The following OPCML variants were observed in gnomAD, a reference collection of about 807,000 sequenced individuals.
The protein encoded by OPCML is opioid binding protein/cell adhesion molecule like, also known as opioid-binding protein/cell adhesion molecule.
Under a neutral mutation model 37.8 loss-of-function variants are expected in OPCML, and 13 were observed. That is an observed-to-expected ratio of 0.34 (90% confidence interval 0.22 to 0.55). OPCML has a LOEUF of 0.55. OPCML is among the 20% of genes least tolerant of loss of function. The pLI is 0.91. For missense variants in OPCML, 341 were observed against 435.6 expected (o/e 0.78, Z 1.93); for synonymous variants, 176 against 168.8 (o/e 1.04, Z -0.33).
chr11:133,412,729 A>G (rs79170994), intron 1 of OPCML, among the ~76,000 whole-genome samples: 13,754 of 152,164 alleles, frequency 0.09, 1,821 homozygotes, highest in African/African-American at 0.29. Context: ...CCTGATTTTG[A>G]AAAGGAAAGT....
chr11:133,420,522 T>C (rs1160826729), intron 1 of OPCML: 1 of 982,912 alleles, frequency 1.0e-6, no homozygotes. Flanking sequence ...TGTTAACAAC[T>C]TATTCTAATT....
At chr11:132,792,019 T>C (rs1937949250) in intron 2 of OPCML, among the ~76,000 whole-genome samples, 1 of 152,254 alleles carries the variant, frequency 6.6e-6, no homozygotes, top group South Asian at 2.1e-4. Context: ...ACCTTGATTC[T>C]GCATCCAAAT....
At chr11:132,717,777 T>C (rs1591510350) in intron 2 of OPCML, among the ~76,000 whole-genome samples, 1 of 152,266 alleles carries the variant, frequency 6.6e-6, no homozygotes, top group Non-Finnish European at 1.5e-5. Flanking sequence ...TCCTATGGTG[T>C]CTCCCTCTCT....
In OPCML at chr11:132,415,436, A is replaced by G. The variant is rs748130543; in HGVS notation, c.*4757T>C. ...ATGTCACGAAAATTTCCGAACGATT[A>G]AAAATGCTCCCTTTAACTAACACAA... On this transcript the variant is annotated 3_prime_UTR_variant, in exon 8 of 8. Transcript: ENST00000524381. 2.0e-5 allele frequency: 3 copies of G among 152,226 alleles called. No homozygotes were observed. The highest frequency in any genetic ancestry group is 4.4e-5 in the Non-Finnish European group (3 of 68,038). 9.4% of individuals were successfully genotyped at this position (152,226 alleles called of 1,614,324 possible).
At chr11:133,399,924 T>C (rs1000123400) in intron 1 of OPCML, among the ~76,000 whole-genome samples, 4 of 151,722 alleles carry the variant, frequency 2.6e-5, no homozygotes, top group African/African-American at 7.2e-5. Context: ...TACTAATGCA[T>C]GCACACGTCT....
chr11:132,528,054 C>G (rs973690750), intron 4 of OPCML, among the ~76,000 whole-genome samples: 1 of 152,154 alleles, frequency 6.6e-6, no homozygotes. Flanking sequence ...TCCTTGATCT[C>G]AGACATCTAG....
chr11:132,694,309 C>T (rs1221585143), intron 2 of OPCML, among the ~76,000 whole-genome samples: 1 of 150,944 alleles, frequency 6.6e-6, no homozygotes, highest in East Asian at 2.0e-4. Context: ...AGCGATTCCC[C>T]TGCCTCAGCC....
chr11:133,199,863 A>T (rs1938694876), intron 1 of OPCML, among the ~76,000 whole-genome samples: 1 of 152,190 alleles, frequency 6.6e-6, no homozygotes, highest in African/African-American at 2.4e-5. Context: ...CTTATTTATC[A>T]TTAAATCCTC....
intron 2 of OPCML, among the ~76,000 whole-genome samples, chr11:132,813,789 G>C (rs1337722399): frequency 6.6e-6 from 1 of 151,958 alleles, no homozygotes; most frequent in African/African-American, 2.4e-5. Flanking sequence ...TCTCATCTCA[G>C]CTGCTTCCCC....
chr11:133,016,768 G>C (rs1483871715), intron 1 of OPCML, among the ~76,000 whole-genome samples: 1 of 152,136 alleles, frequency 6.6e-6, no homozygotes. Flanking sequence ...ACTTTCCACT[G>C]GTCCCACATG....
At chr11:133,436,725 T>C (rs1322260051) in intron 1 of OPCML, among the ~76,000 whole-genome samples, 1 of 152,144 alleles carries the variant, frequency 6.6e-6, no homozygotes, top group East Asian at 1.9e-4. Context: ...GTTACTAAAA[T>C]TGTCAGTTTC....
chr11:132,920,128 G>C (rs1452645298), intron 2 of OPCML, among the ~76,000 whole-genome samples: 1 of 152,220 alleles, frequency 6.6e-6, no homozygotes, highest in Non-Finnish European at 1.5e-5. Flanking sequence ...CATTTTTAAA[G>C]AGTGGATTTT....
intron 2 of OPCML, among the ~76,000 whole-genome samples, chr11:132,764,752 A>T (rs1319776267): frequency 1.3e-5 from 2 of 151,982 alleles, no homozygotes; most frequent in African/African-American, 4.8e-5. Context: ...CCTCTCATTC[A>T]CTCCTCTCCA....
intron 1 of OPCML, among the ~76,000 whole-genome samples, chr11:133,082,089 G>T (rs901458266): frequency 1.3e-5 from 2 of 151,988 alleles, no homozygotes; most frequent in African/African-American, 4.8e-5. Flanking sequence ...TGAGACGGCC[G>T]GGGGTGACCC....
intron 1 of OPCML, among the ~76,000 whole-genome samples, chr11:133,146,624 A>T (rs1425757692): frequency 6.6e-6 from 1 of 151,836 alleles, no homozygotes; most frequent in East Asian, 1.9e-4. Context: ...TGCTAGGCTA[A>T]TTTTTCTCTA....
At chr11:132,543,147 T>C (rs1325082385) in intron 3 of OPCML, among the ~76,000 whole-genome samples, 6 of 152,148 alleles carry the variant, frequency 3.9e-5, no homozygotes, top group Non-Finnish European at 8.8e-5. Flanking sequence ...ATGCAGATGA[T>C]AGAGCTATCT....
intron 4 of OPCML, among the ~76,000 whole-genome samples, chr11:132,515,722 A>G (rs2096278158): frequency 6.6e-6 from 1 of 152,132 alleles, no homozygotes; most frequent in South Asian, 2.1e-4. Context: ...ACAGCTTATT[A>G]ACCATGATTA....
rs1023787807 is a variant in OPCML, at chr11:132,436,381, T to C, written c.765-144A>G. 9 of 1,543,212 alleles carry C rather than the reference T, an allele frequency of 5.8e-6. No individual in the cohort carries two copies. The African/African-American group carries it at 8.4e-5, about 14-fold the overall frequency. On this transcript the variant is annotated intron_variant, in intron 6 of 7. Transcript: ENST00000524381. ...AACAGGAGGAGAAGGGAAATGATGC[T>C]CTTGCCCAATGGGATAAATGTACTG...
intron 1 of OPCML, among the ~76,000 whole-genome samples, chr11:133,514,514 G>T (rs1948221908): frequency 6.6e-6 from 1 of 152,140 alleles, no homozygotes; most frequent in Admixed American, 6.5e-5. Context: ...GGAGATACAG[G>T]GTACTCTGAA....
Sources: gnomAD v4.1 joint callset for allele counts (sites outside exome capture counted in the v4.1 genomes callset) on GRCh38, gnomAD v4.1.1 for gene constraint, MANE v1.5 for transcripts, NCBI Gene and HGNC (gene_info 2026-07-23, HGNC 2026-07-21) for gene names.